The following RASA3 variants were observed in gnomAD, a reference collection of about 807,000 sequenced individuals.
RASA3 encodes the protein RAS p21 protein activator 3.
Under a neutral mutation model 110.0 loss-of-function variants are expected in RASA3, and 73 were observed. That is an observed-to-expected ratio of 0.66 (90% confidence interval 0.55 to 0.81). The LOEUF (loss-of-function observed/expected upper bound fraction) is 0.81, where lower values mean the gene tolerates loss of function less well. RASA3 is among the 30% of genes least tolerant of loss of function. The pLI is 0.00. For synonymous variants in RASA3, 500 were observed against 451.4 expected, an observed-to-expected ratio of 1.11 and a Z score of -1.37; for missense variants, 976 against 1,113.2, an observed-to-expected ratio of 0.88 and a Z score of 1.75.
chr13:114,038,861 C>T (rs1020740150), intron 4 of RASA3, among the ~76,000 whole-genome samples: 1 of 152,226 alleles, frequency 6.6e-6, no homozygotes, highest in African/African-American at 2.4e-5. Context: ...GGCACAGAGC[C>T]TCCATCCGAC....
At chr13:114,062,916 G>C (rs967045578) in intron 2 of RASA3, among the ~76,000 whole-genome samples, 5 of 152,208 alleles carry the variant, frequency 3.3e-5, no homozygotes, top group African/African-American at 1.2e-4. Flanking sequence ...AGAGGCCATG[G>C]GCCAGACGCT....
At chr13:113,989,855 G>C (rs1477728262) in intron 22 of RASA3, among the ~76,000 whole-genome samples, 3 of 152,244 alleles carry the variant, frequency 2.0e-5, no homozygotes, top group Non-Finnish European at 4.4e-5. Context: ...AAGCTGAGGA[G>C]ATGGGAGATG....
chr13:114,030,451 AAGGCTCACACAGAGG>A (rs2054133469), intron 4 of RASA3, among the ~76,000 whole-genome samples: 2 of 110,698 alleles, frequency 1.8e-5, no homozygotes, highest in African/African-American at 3.2e-5. Flanking sequence ...CACAGAGGGC[AAGGCTCACACAGAGG>A]GCAAGGCTCA....
chr13:114,013,806 C>T (rs1418866704), intron 14 of RASA3, among the ~76,000 whole-genome samples: 1 of 150,466 alleles, frequency 6.6e-6, no homozygotes. Flanking sequence ...AACTCCATCT[C>T]TCTCTCCCCG....
chr13:114,058,897 T>G (rs2079291003), intron 2 of RASA3, among the ~76,000 whole-genome samples: 1 of 152,236 alleles, frequency 6.6e-6, no homozygotes, highest in South Asian at 2.1e-4. Flanking sequence ...CCCTAAGCTC[T>G]TTTAAATACC....
chr13:114,064,200 A>G (rs2079407596), intron 2 of RASA3, among the ~76,000 whole-genome samples: 1 of 152,228 alleles, frequency 6.6e-6, no homozygotes, highest in Non-Finnish European at 1.5e-5. Flanking sequence ...ACAGCGTCCC[A>G]GGACCTGCAG....
chr13:114,111,085 GAGTT>G (rs1190194398), intron 1 of RASA3, among the ~76,000 whole-genome samples: 220 of 83,214 alleles, frequency 2.6e-3, no homozygotes, highest in South Asian at 6.3e-3. Flanking sequence ...GCTGCAGGCC[GAGTT>G]CTAACGGGCT....
chr13:114,058,420 C>T (rs1201006645), intron 2 of RASA3, among the ~76,000 whole-genome samples: 1 of 152,270 alleles, frequency 6.6e-6, no homozygotes, highest in Non-Finnish European at 1.5e-5. Flanking sequence ...TTCAGCTCCT[C>T]GGGTGCTCAC....
At chr13:114,036,371 G>A (rs1253025263) in intron 4 of RASA3, among the ~76,000 whole-genome samples, 1 of 152,236 alleles carries the variant, frequency 6.6e-6, no homozygotes, top group Non-Finnish European at 1.5e-5. Flanking sequence ...CCCATGGGCT[G>A]CTTCTGTGAC....
chr13:114,004,698 T>C (rs1420470084), intron 18 of RASA3, among the ~76,000 whole-genome samples: 1 of 152,170 alleles, frequency 6.6e-6, no homozygotes, highest in African/African-American at 2.4e-5. Context: ...GGAATGGAAA[T>C]TAGCGCTTAA....
At chr13:114,038,894 G>A (rs1452504754) in intron 4 of RASA3, among the ~76,000 whole-genome samples, 1 of 152,232 alleles carries the variant, frequency 6.6e-6, no homozygotes, top group Admixed American at 6.5e-5. Flanking sequence ...CTCTGCTGAA[G>A]TCTCAGGCGA....
At position 114,011,506 on chromosome 13, in the gene RASA3, G is replaced by A. The variant is rs975277054; in HGVS notation, c.1513-258C>T. Among the ~76,000 whole-genome samples the A allele has an allele frequency of 6.6e-6, 1 of 152,120 alleles. No individual in the cohort carries two copies. The highest frequency in any genetic ancestry group is 6.5e-5 in the Admixed American group (1 of 15,278). On this transcript the variant is annotated intron_variant, in intron 15 of 23. Coordinates refer to ENST00000334062, the MANE Select transcript of RASA3 (RefSeq NM_007368.4). The surrounding 1 kb of genome is among the most constrained non-coding windows in gnomAD (Gnocchi z 4.8). Reference sequence around the variant, plus strand: ...ACTCTCTCGGCCCAGCGTGCAGGGTGCATCTCAAAGTCGAAAGCATCAGGT... The same window carrying A: ...ACTCTCTCGGCCCAGCGTGCAGGGTACATCTCAAAGTCGAAAGCATCAGGT...
intron 13 of RASA3, among the ~76,000 whole-genome samples, chr13:114,015,627 C>T (rs978723420): frequency 1.3e-5 from 2 of 152,276 alleles, no homozygotes; most frequent in African/African-American, 4.8e-5. Flanking sequence ...AGGCAAAGAG[C>T]TCTGTCATTT....
Position 113,996,538 on chromosome 13 carries a change from A to AG in RASA3, c.2133dup (p.Cys712LeufsTer14). The stretch of plus-strand genomic sequence containing the variant: ...ACCGAGGCACAGACCTACCCAGTGC[A>AG]GGGCGAGCAGCCCGGAGCCGAGTCG... On this transcript the variant is annotated frameshift_variant, in exon 21 of 24. Transcript: ENST00000334062. LOFTEE classifies it high-confidence loss of function. 6.2e-7 allele frequency: 1 copy of AG among 1,612,168 alleles called. No homozygotes were observed. Among genetic ancestry groups the AG allele is most frequent in the Admixed American group, 1.7e-5 (1 of 60,012 alleles).
chr13:114,076,562 C>T (rs909542140), intron 1 of RASA3, among the ~76,000 whole-genome samples: 1 of 151,852 alleles, frequency 6.6e-6, no homozygotes, highest in Non-Finnish European at 1.5e-5. Context: ...ACACGCAGCA[C>T]ACGCAGGCAG....
intron 22 of RASA3, among the ~76,000 whole-genome samples, chr13:113,990,842 A>G (rs1232843222): frequency 6.6e-6 from 1 of 152,180 alleles, no homozygotes; most frequent in Non-Finnish European, 1.5e-5. Context: ...CATTTCACAC[A>G]TGTATTGCTG....
chr13:114,101,599 G>A (rs900970943), intron 1 of RASA3, among the ~76,000 whole-genome samples: 2 of 152,234 alleles, frequency 1.3e-5, no homozygotes, highest in Non-Finnish European at 2.9e-5. Flanking sequence ...TGGCAAACAC[G>A]CTTGGCTGTC....
At chr13:114,046,709 G>T (rs914229746) in intron 3 of RASA3, among the ~76,000 whole-genome samples, 1 of 152,110 alleles carries the variant, frequency 6.6e-6, no homozygotes, top group African/African-American at 2.4e-5. Context: ...TTCGGTGTCC[G>T]AGCCCTGCCT....
At chr13:114,105,598 C>T (rs1465411110) in intron 1 of RASA3, among the ~76,000 whole-genome samples, 4 of 152,188 alleles carry the variant, frequency 2.6e-5, no homozygotes, top group African/African-American at 4.8e-5. Context: ...CAGGCACATC[C>T]GGGGCCAGCA....
Sources: allele counts gnomAD v4.1 joint callset (sites outside exome capture counted in the v4.1 genomes callset), GRCh38; gene constraint gnomAD v4.1.1; non-coding constraint Gnocchi (gnomAD v3.1); transcripts MANE v1.5; gene names NCBI Gene and HGNC (gene_info 2026-07-23, HGNC 2026-07-21).